KAZN: variants seen among roughly 807,000 people sequenced by gnomAD.
The protein encoded by KAZN is kazrin.
Under a neutral mutation model 87.4 loss-of-function variants are expected in KAZN, and 40 were observed. The observed-to-expected ratio is 0.46, with a 90% CI of 0.36 to 0.60. The LOEUF (loss-of-function observed/expected upper bound fraction) is 0.60, where lower values mean the gene tolerates loss of function less well. KAZN is among the 20% of genes least tolerant of loss of function. The pLI is 0.00. For synonymous variants in KAZN, 466 were observed against 458.3 expected (o/e 1.02, Z -0.22); for missense variants, 898 against 1,073.9 (o/e 0.84, Z 2.29).
chr1:14,189,355 G>T (rs1646377006), intron 2 of KAZN, among the ~76,000 whole-genome samples: 1 of 152,144 alleles, frequency 6.6e-6, no homozygotes, highest in South Asian at 2.1e-4. Flanking sequence ...ACAAAGAGGA[G>T]CTCATGATAC....
intron 2 of KAZN, among the ~76,000 whole-genome samples, chr1:14,529,248 G>A (rs952187365): frequency 6.6e-6 from 1 of 152,194 alleles, no homozygotes; most frequent in Non-Finnish European, 1.5e-5. Context: ...AGGTTGCAGT[G>A]AGCTGAGATC....
At chr1:14,801,752 C>T (rs1361519537) in intron 1 of KAZN, among the ~76,000 whole-genome samples, 4 of 151,014 alleles carry the variant, frequency 2.6e-5, no homozygotes, top group African/African-American at 7.3e-5. Flanking sequence ...GGCTTGATCT[C>T]GGCTCACTGC....
chr1:14,408,669 ATTAAC>A (rs752583863), intron 2 of KAZN, among the ~76,000 whole-genome samples: 2 of 152,136 alleles, frequency 1.3e-5, no homozygotes, highest in Non-Finnish European at 2.9e-5. Context: ...CCTCACCTGT[ATTAAC>A]TTAATTACTT....
chr1:14,095,739 AC>A (rs1417192561), intron 1 of KAZN, among the ~76,000 whole-genome samples: 4 of 152,142 alleles, frequency 2.6e-5, no homozygotes, highest in Admixed American at 2.0e-4. Context: ...CAAACTTCTT[AC>A]ACGGTTTCTC....
chr1:14,127,397 TTG>T (rs869102344), intron 1 of KAZN, among the ~76,000 whole-genome samples: 8,057 of 63,960 alleles, frequency 0.13, 548 homozygotes, highest in African/African-American at 0.33. Flanking sequence ...CCCTTTACTG[TTG>T]TTTTTTTTTT....
In KAZN at chr1:14,359,677, T is replaced by C. The variant is rs558086768; in HGVS notation, c.249+179085T>C. Among the ~76,000 whole-genome samples the C allele has an allele frequency of 3.2e-4, 49 of 152,318 alleles. 1 individual carries two copies. The highest frequency in any genetic ancestry group is 1.1e-3 in the African/African-American group (46 of 41,584). On this transcript the variant is annotated intron_variant, in intron 2 of 16. Transcript: ENST00000636203. ...ATTTGCTTGTCTGTAAAGGATTTTA[T>C]TTCTCCTTCACTTATGAAGCGTCGT...
chr1:14,064,503 A>G lies in KAZN; in HGVS notation c.92-115932A>G, dbSNP rs1248986711. Among the ~76,000 whole-genome samples, 4 of 152,258 alleles carry G rather than the reference A, an allele frequency of 2.6e-5. No homozygotes were observed. In the South Asian group the frequency reaches 8.3e-4, roughly 31 times the overall value. ...TGGAGCCCATGCTGTAGAGGGGCTC[A>G]CTAAGCTGAACCACCAAAACATAGA... On this transcript the variant is annotated intron_variant, in intron 1 of 16. Transcript: ENST00000636203.
chr1:14,896,041 C>CTTTTTT (rs201188620), intron 1 of KAZN, among the ~76,000 whole-genome samples: 5 of 140,716 alleles, frequency 3.6e-5, no homozygotes, highest in African/African-American at 1.4e-4. Flanking sequence ...AAAAAGACGC[C>CTTTTTT]TTTTTTTTTT....
intron 1 of KAZN, among the ~76,000 whole-genome samples, chr1:14,173,562 G>A (rs1485943347): frequency 1.3e-5 from 2 of 152,128 alleles, no homozygotes; most frequent in Non-Finnish European, 2.9e-5. Flanking sequence ...ACTATCCGCC[G>A]GAACTATTGA....
intron 2 of KAZN, among the ~76,000 whole-genome samples, chr1:14,220,939 G>A (rs895337804): frequency 6.6e-6 from 1 of 152,146 alleles, no homozygotes; most frequent in East Asian, 1.9e-4. Context: ...AAAGGTTTAG[G>A]TTGAAGCAGC....
At chr1:14,047,719 T>G (rs191373764) in intron 1 of KAZN, among the ~76,000 whole-genome samples, 6 of 151,988 alleles carry the variant, frequency 3.9e-5, no homozygotes, top group Non-Finnish European at 7.4e-5. Flanking sequence ...AATACAAAAA[T>G]TAGCTGGGTG....
chr1:14,014,937 C>T (rs1373615659), intron 1 of KAZN, among the ~76,000 whole-genome samples: 2 of 152,146 alleles, frequency 1.3e-5, no homozygotes, highest in Non-Finnish European at 2.9e-5. Flanking sequence ...GCAATTTACC[C>T]AGTGATAAGA....
At chr1:14,505,628 A>C (rs1670541429) in intron 2 of KAZN, among the ~76,000 whole-genome samples, 1 of 152,120 alleles carries the variant, frequency 6.6e-6, no homozygotes, top group Non-Finnish European at 1.5e-5. Flanking sequence ...GTCCAGCAGG[A>C]GGGGAGAATG....
In KAZN at chr1:14,061,443, T is replaced by TTGTCTGAAGAGCTCTCTTC. The variant is rs1553122674; in HGVS notation, c.92-118990_92-118989insTCTGAAGAGCTCTCTTCTG. ...ACAGGCCAGGCAGGCAGAAGAGAGC[T>TTGTCTGAAGAGCTCTCTTC]TGGTATGTCTGAAGAGCTGCAAGTA... On this transcript the variant is annotated intron_variant, in intron 1 of 16. Transcript: ENST00000636203. Among the ~76,000 whole-genome samples, 5 of 152,260 alleles carry TTGTCTGAAGAGCTCTCTTC rather than the reference T, an allele frequency of 3.3e-5. No homozygotes were observed. The East Asian group carries it at 9.6e-4, about 29-fold the overall frequency.
intron 1 of KAZN, among the ~76,000 whole-genome samples, chr1:14,711,558 C>T (rs1642488360): frequency 6.6e-6 from 1 of 152,082 alleles, no homozygotes; most frequent in South Asian, 2.1e-4. Flanking sequence ...ATGTCACTTC[C>T]AAGATTAGGT....
At chr1:14,482,046 C>A (rs996279098) in intron 2 of KAZN, among the ~76,000 whole-genome samples, 9 of 152,162 alleles carry the variant, frequency 5.9e-5, no homozygotes, top group African/African-American at 1.9e-4. Context: ...CCACGTGGAC[C>A]AGAGAGCCAA....
intron 1 of KAZN, among the ~76,000 whole-genome samples, chr1:14,787,807 G>T (rs547461544): frequency 1.3e-5 from 2 of 152,160 alleles, no homozygotes; most frequent in Non-Finnish European, 2.9e-5. Flanking sequence ...CTAGGAATCC[G>T]CAATAGCCCA....
At chr1:14,139,944 T>A in intron 1 of KAZN, among the ~76,000 whole-genome samples, 1 of 59,002 alleles carries the variant, frequency 1.7e-5, no homozygotes, top group African/African-American at 9.0e-5. Flanking sequence ...TGTGTGTGTG[T>A]GTGTGTGTGT....
chr1:14,927,056 C>T (rs2101544150), intron 1 of KAZN, among the ~76,000 whole-genome samples: 1 of 152,268 alleles, frequency 6.6e-6, no homozygotes, highest in Non-Finnish European at 1.5e-5. Context: ...GCAGGAGGTG[C>T]AGACAGTGGA....
Sources: allele counts gnomAD v4.1 joint callset (sites outside exome capture counted in the v4.1 genomes callset), GRCh38; gene constraint gnomAD v4.1.1; transcripts MANE v1.5; gene names NCBI Gene and HGNC (gene_info 2026-07-23, HGNC 2026-07-21).